DYSF: variants seen among roughly 807,000 people sequenced by gnomAD.
DYSF encodes dystrophy-associated fer-1-like 1.
In DYSF, 212 loss-of-function variants were observed where a neutral mutation model predicts 274.9. The ratio of observed to expected loss-of-function variants is 0.77; its 90% confidence interval spans 0.69 to 0.86. The LOEUF is 0.86. Ranked by LOEUF, DYSF falls within the 40% of genes least tolerant of loss-of-function variation. The pLI is 0.00. For missense variants in DYSF, 2,666 were observed against 2,783.2 expected (o/e 0.96, Z 0.95); for synonymous variants, 1,091 against 1,078.7 (o/e 1.01, Z -0.22).
chr2:71,623,983 T>G (rs1381262574), intron 41 of DYSF, among the ~76,000 whole-genome samples: 1 of 152,128 alleles, frequency 6.6e-6, no homozygotes. Context: ...GTGGGAAGAT[T>G]GCTTGAGCCC....
Position 71,664,275 on chromosome 2 carries a change from G to C in DYSF, c.5011G>C (p.Glu1671Gln). 6.2e-7 allele frequency: 1 copy of C among 1,614,058 alleles called. No homozygotes were observed. The highest frequency in any genetic ancestry group is 1.3e-5 in the African/African-American group (1 of 75,022). ...AATCTGCCCCTCCTGCAGGATGTTC[G>C]AGCTGACCTGCACTCTGCCTCTGGA... ...TLEPVFGKMF[E>Q]LTCTLPLEKD... The change falls in exon 46 of 56, where the codon GAG (glutamate) becomes CAG (glutamine). Residue 1671 changes from glutamate to glutamine, a missense_variant. Around this residue, in one of 3 missense-constraint regions of DYSF, gnomAD observed 1,460 missense variants for 1,502.1 expected, o/e 0.97. Transcript: ENST00000410020.
At chr2:71,485,081 C>G (rs1480458818) in intron 3 of DYSF, among the ~76,000 whole-genome samples, 1 of 152,210 alleles carries the variant, frequency 6.6e-6, no homozygotes, top group East Asian at 1.9e-4. Flanking sequence ...ACCAGAAACA[C>G]CTTTCTTATA....
In DYSF at chr2:71,681,042, G is replaced by A. The variant is rs373445062; in HGVS notation, c.6105G>A (p.Glu2035=). ...EMTLEIVAES[E]HEERPAGQGR... ...CCTTGGAGATTGTAGCAGAGAGTGA[G>A]CATGAGGAGCGGCCTGCTGGCCAGG... Residue 2035 remains glutamate (E), a synonymous_variant, in exon 54 of 56, where the codon GAG becomes GAA. Coordinates refer to ENST00000410020, the MANE Select transcript of DYSF (RefSeq NM_001130987.2). The A allele has an allele frequency of 6.8e-6, 11 of 1,614,088 alleles. No homozygotes were observed. The African/African-American group carries it at 1.2e-4, about 18-fold the overall frequency.
At chr2:71,566,353 CAAAAAA>C (rs773800974) in intron 24 of DYSF, among the ~76,000 whole-genome samples, 4 of 49,800 alleles carry the variant, frequency 8.0e-5, no homozygotes, top group Non-Finnish European at 1.5e-4. Flanking sequence ...TGGTTTCAAG[CAAAAAA>C]AAAAAAAAAA....
chr2:71,645,553 A>G (rs1276355999), intron 42 of DYSF, among the ~76,000 whole-genome samples: 1 of 150,936 alleles, frequency 6.6e-6, no homozygotes, highest in African/African-American at 2.4e-5. Context: ...GGGGGTTTTT[A>G]TAGGCACAGA....
rs760059062 is a variant in DYSF at position 71,568,349 on chromosome 2, G to T, written c.2864+11G>T. ...GTGTCCGGAGAAGACGTGAGTCGTG[G>T]GCAGGGAGGGCTGGGGAGAGCCAGG... is the stretch of plus-strand genomic sequence containing the variant. On this transcript the variant is annotated intron_variant, in intron 26 of 55. Coordinates refer to ENST00000410020, the MANE Select transcript of DYSF (RefSeq NM_001130987.2). The T allele has an allele frequency of 6.2e-7, 1 of 1,613,648 alleles. No individual in the cohort carries two copies.
chr2:71,504,720 C>T (rs1188413453), intron 4 of DYSF, among the ~76,000 whole-genome samples: 3 of 152,240 alleles, frequency 2.0e-5, no homozygotes, highest in Non-Finnish European at 2.9e-5. Flanking sequence ...TGTGTGCATC[C>T]ATGACTCTGG....
At chr2:71,604,955 A>C (rs905100954) in intron 36 of DYSF, among the ~76,000 whole-genome samples, 1 of 152,074 alleles carries the variant, frequency 6.6e-6, no homozygotes, top group Non-Finnish European at 1.5e-5. Flanking sequence ...TTGGACAACA[A>C]ACTTCCCCTC....
At chr2:71,661,425 C>T (rs1203467116) in intron 45 of DYSF, among the ~76,000 whole-genome samples, 1 of 152,096 alleles carries the variant, frequency 6.6e-6, no homozygotes, top group African/African-American at 2.4e-5. Context: ...TTCATGTTTT[C>T]CCACTAATGT....
chr2:71,530,580 G>C (rs2088573257), intron 14 of DYSF, among the ~76,000 whole-genome samples: 1 of 152,284 alleles, frequency 6.6e-6, no homozygotes, highest in East Asian at 1.9e-4. Context: ...CATGCAAGAA[G>C]CTGCGCCTCC....
chr2:71,528,225 A>G (rs2088195039), intron 13 of DYSF, 73 bp from the exon 14 acceptor site: 1 of 1,361,030 alleles, frequency 7.3e-7, no homozygotes, highest in Non-Finnish European at 1.0e-6. Flanking sequence ...CTGCCTGGAG[A>G]CAGATGGGGG....
At chr2:71,466,140 C>T (rs1015595337), upstream of DYSF, among the ~76,000 whole-genome samples, 5 of 152,174 alleles carry the variant, frequency 3.3e-5, no homozygotes, top group Admixed American at 2.0e-4. Context: ...ACCTAGACAG[C>T]CTGCGGACGG....
At position 71,644,013 on chromosome 2, in the gene DYSF, G is replaced by A; in HGVS notation, c.4576G>A (p.Glu1526Lys). ...GAGCAAATTCTTTGCCTCCATAGGG[G>A]AGAGGGAAAAGTGCGGCTCCTACCT... Reference protein sequence around the residue: ...WWSKFFASIGEREKCGSYLEK... With the variant: ...WWSKFFASIGKREKCGSYLEK... Residue 1526 changes from glutamate (E) to lysine (K), a missense_variant, in exon 42 of 56, where the codon GAG becomes AAG. By Grantham distance (56) the Glu-to-Lys change is moderately conservative. Transcript: ENST00000410020. 1 of 1,612,776 alleles carries A rather than the reference G, an allele frequency of 6.2e-7. No homozygotes were observed. Among genetic ancestry groups the A allele is most frequent in the Non-Finnish European group, 8.5e-7 (1 of 1,179,518 alleles).
At position 71,489,610 on chromosome 2, in the gene DYSF, T is replaced by C. The variant is rs115662445; in HGVS notation, c.239+7640T>C. On this transcript the variant is annotated intron_variant, in intron 3 of 55. Transcript: ENST00000410020. ...GAGGTTTCCAGGAAGGGGCTGAACA[T>C]GCTCTTAGTTCTTCAGGGTAGCCAT... Among the ~76,000 whole-genome samples, 1,431 of 152,316 alleles carry C rather than the reference T, an allele frequency of 9.4e-3. 38 individuals carry two copies. Among genetic ancestry groups the C allele is most frequent in the African/African-American group, 0.033 (1,368 of 41,576 alleles).
At chr2:71,632,728 C>G (rs2094335138) in intron 41 of DYSF, among the ~76,000 whole-genome samples, 1 of 152,170 alleles carries the variant, frequency 6.6e-6, no homozygotes, top group Non-Finnish European at 1.5e-5. Flanking sequence ...TCTAGGCTTT[C>G]TGCATAGTTG....
chr2:71,493,895 T>A (rs1173583583), intron 3 of DYSF, among the ~76,000 whole-genome samples: 1 of 143,004 alleles, frequency 7.0e-6, no homozygotes, highest in Non-Finnish European at 1.5e-5. Flanking sequence ...AACACAAAGG[T>A]TTTTTAGAGG....
Position 71,503,249 on chromosome 2 carries a change from T to C in DYSF, c.275T>C (p.Val92Ala). The C allele has an allele frequency of 1.2e-6, 2 of 1,613,922 alleles. 1 individual carries two copies. Among genetic ancestry groups the C allele is most frequent in the Non-Finnish European group, 1.7e-6 (2 of 1,179,948 alleles). Residue 92 changes from valine (V) to alanine (A), a missense_variant, in exon 4 of 56, where the codon GTC becomes GCC. Transcript: ENST00000410020. ...GAAGCCAAGGTCCCACTCCGAGAGG[T>C]CCTCGCCACCCCTAGTCTGTCCGCC... Reference protein sequence around the residue: ...LGEAKVPLREVLATPSLSASF... With the variant: ...LGEAKVPLREALATPSLSASF...
At chr2:71,548,426 C>T (rs2090653416) in intron 17 of DYSF, among the ~76,000 whole-genome samples, 2 of 152,214 alleles carry the variant, frequency 1.3e-5, no homozygotes, top group African/African-American at 2.4e-5. Context: ...TCACCAACCA[C>T]ATCCCGGGTG....
chr2:71,668,695 G>C (rs2095062216), intron 48 of DYSF, 59 bp from the exon 49 acceptor site: 1 of 1,541,622 alleles, frequency 6.5e-7, no homozygotes. Flanking sequence ...CAGAGCAGGT[G>C]CTTGGTAACA....
Sources: gnomAD v4.1 joint callset for allele counts (sites outside exome capture counted in the v4.1 genomes callset) on GRCh38, gnomAD v4.1.1 for gene constraint, gnomAD v4.1.1 regional missense constraint, MANE v1.5 for transcripts, NCBI Gene and HGNC (gene_info 2026-07-23, HGNC 2026-07-21) for gene names.